The following ELMO1 variants were observed in gnomAD, a reference collection of about 807,000 sequenced individuals.
ELMO1 encodes the protein engulfment and cell motility protein 1.
Under a neutral mutation model 98.9 loss-of-function variants are expected in ELMO1, and 26 were observed. The observed-to-expected ratio is 0.26, with a 90% CI of 0.19 to 0.36. The LOEUF (loss-of-function observed/expected upper bound fraction) is 0.36, where lower values mean the gene tolerates loss of function less well. ELMO1 is among the 10% of genes least tolerant of loss of function. ELMO1 has a pLI of 1.00. For missense variants in ELMO1, 627 were observed against 935.2 expected, an observed-to-expected ratio of 0.67 and a Z score of 4.30; for synonymous variants, 346 against 346.0, an observed-to-expected ratio of 1.00 and a Z score of 0.00.
chr7:37,150,861 G>T (rs1053191100), intron 13 of ELMO1, among the ~76,000 whole-genome samples: 2 of 152,002 alleles, frequency 1.3e-5, no homozygotes, highest in Non-Finnish European at 2.9e-5. Context: ...TTTGACTAGG[G>T]GTATGCCCAC....
chr7:37,330,004 C>T (rs752766911), intron 2 of ELMO1, among the ~76,000 whole-genome samples: 5 of 152,178 alleles, frequency 3.3e-5, no homozygotes, highest in Non-Finnish European at 7.3e-5. Flanking sequence ...CAACTAACCA[C>T]GTCACTCCCC....
chr7:37,384,720 A>C (rs987118437), intron 1 of ELMO1, among the ~76,000 whole-genome samples: 4 of 113,634 alleles, frequency 3.5e-5, no homozygotes, highest in Admixed American at 8.3e-5. Context: ...ACTCCGTCTC[A>C]AAAAAAAAAA....
At chr7:37,348,907 G>A (rs943396798) in intron 1 of ELMO1, among the ~76,000 whole-genome samples, 1 of 152,124 alleles carries the variant, frequency 6.6e-6, no homozygotes, top group African/African-American at 2.4e-5. Context: ...TTAGTTTTGG[G>A]TGACTGCAAT....
intron 13 of ELMO1, among the ~76,000 whole-genome samples, chr7:37,137,528 A>C (rs969050201): frequency 6.6e-6 from 1 of 151,848 alleles, no homozygotes; most frequent in Non-Finnish European, 1.5e-5. Context: ...TAGACCACAA[A>C]AGAAGTCTCA....
At chr7:37,086,367 T>TGTGTGTGTGTGA (rs768881408) in intron 15 of ELMO1, among the ~76,000 whole-genome samples, 2 of 147,494 alleles carry the variant, frequency 1.4e-5, no homozygotes, top group African/African-American at 5.1e-5. Context: ...TGTGTGTGTG[T>TGTGTGTGTGTGA]GAAGAGAAGG....
chr7:36,908,836 T>C lies in ELMO1; in HGVS notation c.1438-13819A>G, dbSNP rs1182174085. Among the ~76,000 whole-genome samples, 3 of 152,228 alleles carry C rather than the reference T, an allele frequency of 2.0e-5. No homozygotes were observed. In the East Asian group the frequency reaches 5.8e-4, roughly 29 times the overall value. On this transcript the variant is annotated intron_variant, in intron 16 of 21. Coordinates refer to ENST00000310758, the MANE Select transcript of ELMO1 (RefSeq NM_014800.11). ...GTGAGTTGGGTGCATATAAAGCACC[T>C]CCTATCTGCTAGAGGCAACAGAATG...
chr7:37,235,298 T>C (rs1794401574), intron 7 of ELMO1, among the ~76,000 whole-genome samples: 1 of 151,784 alleles, frequency 6.6e-6, no homozygotes, highest in Non-Finnish European at 1.5e-5. Context: ...AGCCAGGAAA[T>C]AAAAGCAATT....
chr7:37,133,178 C>G lies in ELMO1; in HGVS notation c.1143G>C (p.Leu381=), dbSNP rs1247649055. The stretch of plus-strand genomic sequence containing the variant: ...GCTTGGCAAAGTACAGCATGTTGTC[C>G]AGAGCCAACATCCCAGGTGGAGTCT... The part of the protein sequence containing the change: ...FTQTPPGMLA[L]DNMLYFAKHH... Residue 381 remains leucine (L), a synonymous_variant, in exon 14 of 22, where the codon CTG becomes CTC. Transcript: ENST00000310758. The G allele has an allele frequency of 1.2e-6, 2 of 1,613,022 alleles. No homozygotes were observed. Among genetic ancestry groups the G allele is most frequent in the Non-Finnish European group, 1.7e-6 (2 of 1,179,562 alleles).
chr7:36,889,607 T>A (rs1805377018), intron 17 of ELMO1, among the ~76,000 whole-genome samples: 2 of 152,108 alleles, frequency 1.3e-5, no homozygotes, highest in Non-Finnish European at 2.9e-5. Flanking sequence ...TAGGCCAGGG[T>A]TGAGTTATTA....
intron 4 of ELMO1, among the ~76,000 whole-genome samples, chr7:37,277,763 A>G (rs1056113757): frequency 6.6e-6 from 1 of 151,974 alleles, no homozygotes; most frequent in Non-Finnish European, 1.5e-5. Flanking sequence ...CATCTCCCTC[A>G]CCCCCACACT....
chr7:37,009,264 G>A (rs1207173154), intron 16 of ELMO1, among the ~76,000 whole-genome samples: 1 of 152,130 alleles, frequency 6.6e-6, no homozygotes, highest in African/African-American at 2.4e-5. Flanking sequence ...AATAATGCAT[G>A]CTCTAAAATA....
intron 1 of ELMO1, among the ~76,000 whole-genome samples, chr7:37,438,228 T>G (rs1223391278): frequency 6.6e-6 from 1 of 151,988 alleles, no homozygotes; most frequent in Non-Finnish European, 1.5e-5. Context: ...TTGAAGAAAA[T>G]TAAATACAAA....
intron 16 of ELMO1, among the ~76,000 whole-genome samples, chr7:36,974,362 A>T (rs1014293028): frequency 2.0e-5 from 3 of 152,130 alleles, no homozygotes; most frequent in Admixed American, 1.3e-4. Flanking sequence ...TGTCTAGCTC[A>T]GGGATTGTAA....
chr7:37,406,641 A>T (rs543612968), intron 1 of ELMO1, among the ~76,000 whole-genome samples: 30 of 151,640 alleles, frequency 2.0e-4, no homozygotes, highest in Admixed American at 3.3e-4. Context: ...GAGGGGTTTC[A>T]CCGTGTTAGG....
intron 16 of ELMO1, chr7:36,985,839 T>C: frequency 1.1e-6 from 1 of 929,082 alleles, no homozygotes; most frequent in Non-Finnish European, 1.3e-6. Flanking sequence ...AATTCAGTTT[T>C]CTCGGCAGAC....
chr7:37,283,800 C>T (rs1797259992), intron 4 of ELMO1, among the ~76,000 whole-genome samples: 1 of 152,228 alleles, frequency 6.6e-6, no homozygotes, highest in African/African-American at 2.4e-5. Flanking sequence ...GCTGCACAGC[C>T]AGCGGCCAGC....
intron 13 of ELMO1, among the ~76,000 whole-genome samples, chr7:37,139,396 T>G (rs1016033503): frequency 7.2e-5 from 11 of 152,180 alleles, no homozygotes; most frequent in African/African-American, 2.7e-4. Context: ...AATTAATGTA[T>G]GCCAATCAGT....
intron 15 of ELMO1, among the ~76,000 whole-genome samples, chr7:37,016,322 A>G (rs1793927370): frequency 6.6e-6 from 1 of 152,188 alleles, no homozygotes. Flanking sequence ...CTATTCTTGT[A>G]ACAACCCTGG....
intron 15 of ELMO1, among the ~76,000 whole-genome samples, chr7:37,030,540 G>A (rs1262952053): frequency 6.6e-6 from 1 of 152,110 alleles, no homozygotes; most frequent in African/African-American, 2.4e-5. Context: ...TAGTAAGAAA[G>A]ACATTCTATC....
Sources: gnomAD v4.1 joint callset for allele counts (sites outside exome capture counted in the v4.1 genomes callset) on GRCh38, gnomAD v4.1.1 for gene constraint, MANE v1.5 for transcripts, NCBI Gene and HGNC (gene_info 2026-07-23, HGNC 2026-07-21) for gene names.